CNTN1: variants seen among roughly 807,000 people sequenced by gnomAD.
CNTN1 encodes contactin 1, also known as contactin-1.
Under a neutral mutation model 126.4 loss-of-function variants are expected in CNTN1, and 38 were observed. The ratio of observed to expected loss-of-function variants is 0.30; its 90% confidence interval spans 0.23 to 0.39. CNTN1 has a LOEUF of 0.39. Among genes scored for constraint, CNTN1 ranks in the 10% least tolerant of loss-of-function variants. The pLI is 1.00. For missense variants in CNTN1, 1,009 were observed against 1,248.4 expected (o/e 0.81, Z 2.89); for synonymous variants, 413 against 422.6 (o/e 0.98, Z 0.28).
At chr12:41,005,479 T>TGCATATTCTG (rs547277031) in intron 17 of CNTN1, among the ~76,000 whole-genome samples, 107 of 152,340 alleles carry the variant, frequency 7.0e-4, no homozygotes, top group African/African-American at 2.5e-3. Context: ...TTGGCCTCAC[T>TGCATATTCTG]AGTTAGGTTG....
At chr12:40,848,820 G>GGT (rs1246801755) in intron 1 of CNTN1, among the ~76,000 whole-genome samples, 25 of 109,022 alleles carry the variant, frequency 2.3e-4, no homozygotes, top group African/African-American at 7.7e-4. Flanking sequence ...TAGGGCACCA[G>GGT]GTGTGTTTTT....
chr12:40,702,488 A>G (rs1429589345), intron 1 of CNTN1, among the ~76,000 whole-genome samples: 1 of 152,132 alleles, frequency 6.6e-6, no homozygotes, highest in Non-Finnish European at 1.5e-5. Context: ...CTTGTTGCCC[A>G]GGCTGGAGTG....
chr12:40,833,132 G>C (rs7980104), intron 1 of CNTN1, among the ~76,000 whole-genome samples: 64,704 of 151,584 alleles, frequency 0.43, 14,157 homozygotes, highest in East Asian at 0.7. Context: ...CTCGGCTCAC[G>C]GCAACCTCCT....
At chr12:40,960,576 G>C (rs974028555) in intron 15 of CNTN1, among the ~76,000 whole-genome samples, 1 of 152,010 alleles carries the variant, frequency 6.6e-6, no homozygotes, top group African/African-American at 2.4e-5. Flanking sequence ...TTCTCCAATA[G>C]AGTTTTAAGA....
chr12:40,896,620 A>G (rs994389080), intron 1 of CNTN1, among the ~76,000 whole-genome samples: 4 of 152,258 alleles, frequency 2.6e-5, no homozygotes, highest in African/African-American at 9.6e-5. Context: ...AAGACATATC[A>G]GAAACACCAA....
intron 1 of CNTN1, among the ~76,000 whole-genome samples, chr12:40,866,389 G>A (rs1044571624): frequency 6.6e-6 from 1 of 152,082 alleles, no homozygotes; most frequent in Non-Finnish European, 1.5e-5. Flanking sequence ...TCTTATTCCT[G>A]ATCATATGGG....
intron 1 of CNTN1, among the ~76,000 whole-genome samples, chr12:40,707,036 GCGCGCTTGCGCACACACACA>G (rs1477708657): frequency 9.1e-5 from 10 of 109,662 alleles, no homozygotes; most frequent in Admixed American, 4.3e-4. Context: ...ACGTGCGCGC[GCGCGCTTGCGCACACACACA>G]CACACACACA....
At chr12:40,849,818 A>T (rs889460640) in intron 1 of CNTN1, among the ~76,000 whole-genome samples, 4 of 151,762 alleles carry the variant, frequency 2.6e-5, no homozygotes, top group South Asian at 2.1e-4. Flanking sequence ...TAAGGAAAAG[A>T]CTCTTTTTTT....
chr12:40,772,987 A>G (rs1939403804), intron 1 of CNTN1, among the ~76,000 whole-genome samples: 1 of 151,892 alleles, frequency 6.6e-6, no homozygotes, highest in South Asian at 2.1e-4. Context: ...TATATCGTGG[A>G]TTGGATATAC....
At chr12:40,785,912 T>C (rs1348742034) in intron 1 of CNTN1, among the ~76,000 whole-genome samples, 1 of 152,118 alleles carries the variant, frequency 6.6e-6, no homozygotes, top group Admixed American at 6.6e-5. Context: ...TCTGCCCCCA[T>C]GAGCCAATCA....
chr12:40,813,443 T>C (rs1249612989), intron 1 of CNTN1, among the ~76,000 whole-genome samples: 2 of 151,996 alleles, frequency 1.3e-5, no homozygotes, highest in Non-Finnish European at 2.9e-5. Flanking sequence ...GAACATGCAG[T>C]GTTTAGTTTT....
intron 1 of CNTN1, among the ~76,000 whole-genome samples, chr12:40,895,524 C>T (rs1220411099): frequency 1.3e-5 from 2 of 152,012 alleles, no homozygotes; most frequent in African/African-American, 4.8e-5. Flanking sequence ...TGCGTGTGCT[C>T]GGGTGTTTGC....
intron 23 of CNTN1, among the ~76,000 whole-genome samples, chr12:41,040,096 T>A (rs1949364284): frequency 6.6e-6 from 1 of 152,122 alleles, no homozygotes; most frequent in Admixed American, 6.6e-5. Context: ...ACACAGACCC[T>A]ATAATGTCCA....
intron 1 of CNTN1, among the ~76,000 whole-genome samples, chr12:40,762,400 T>C (rs1938897835): frequency 6.7e-6 from 1 of 150,208 alleles, no homozygotes; most frequent in Non-Finnish European, 1.5e-5. Context: ...CATGGACAAA[T>C]AGAAGTCATC....
At chr12:40,726,801 C>G (rs1592017520) in intron 1 of CNTN1, among the ~76,000 whole-genome samples, 2 of 151,900 alleles carry the variant, frequency 1.3e-5, no homozygotes, top group East Asian at 3.9e-4. Flanking sequence ...AATCAGTAGA[C>G]AAACTAATAA....
intron 1 of CNTN1, among the ~76,000 whole-genome samples, chr12:40,755,540 T>C (rs1238303978): frequency 6.6e-6 from 1 of 151,744 alleles, no homozygotes; most frequent in African/African-American, 2.4e-5. Context: ...AGTGAGATCC[T>C]CTCTCTACAA....
intron 23 of CNTN1, among the ~76,000 whole-genome samples, chr12:41,050,570 C>A (rs774900689): frequency 3.9e-5 from 6 of 152,172 alleles, no homozygotes; most frequent in Non-Finnish European, 5.9e-5. Flanking sequence ...GTCCCTCCCC[C>A]AACACTGGGG....
chr12:40,924,574 C>A lies in CNTN1; in HGVS notation c.418C>A (p.Pro140Thr). Residue 140 changes from proline (P) to threonine (T), a missense_variant, in exon 6 of 24, where the codon CCT becomes ACT. Coordinates refer to ENST00000551295, the MANE Select transcript of CNTN1 (RefSeq NM_001843.4). ...GTAATTAGATCTTGATCCTTTCCCA[C>A]CTGAGGAACGTCCTGAGGTCAGAGT... ...LSFGYLDPFP[P>T]EERPEVRVKE... The A allele has an allele frequency of 1.3e-6, 2 of 1,592,718 alleles. No individual in the cohort carries two copies. Among genetic ancestry groups the A allele is most frequent in the Non-Finnish European group, 8.6e-7 (1 of 1,161,422 alleles).
At chr12:40,727,684 G>A (rs1277802153) in intron 1 of CNTN1, among the ~76,000 whole-genome samples, 2 of 152,036 alleles carry the variant, frequency 1.3e-5, no homozygotes, top group Non-Finnish European at 2.9e-5. Context: ...ACAAATTGTT[G>A]AAAAATTCTA....
Sources: gnomAD v4.1 joint callset for allele counts (sites outside exome capture counted in the v4.1 genomes callset) on GRCh38, gnomAD v4.1.1 for gene constraint, MANE v1.5 for transcripts, NCBI Gene and HGNC (gene_info 2026-07-23, HGNC 2026-07-21) for gene names.